HECW2: variants seen among roughly 807,000 people sequenced by gnomAD.
The protein encoded by HECW2 is E3 ubiquitin-protein ligase HECW2.
A neutral mutation model predicts 175.2 loss-of-function variants in HECW2; 61 were observed. That is an observed-to-expected ratio of 0.35 (90% CI 0.28 to 0.43). The LOEUF (loss-of-function observed/expected upper bound fraction) is 0.43. Ranked by LOEUF, HECW2 falls within the 20% of genes least tolerant of loss-of-function variation. The pLI is 1.00. For missense variants in HECW2, 1,524 were observed against 2,000.5 expected (o/e 0.76, Z 4.54); for synonymous variants, 671 against 731.0 (o/e 0.92, Z 1.32).
At position 196,416,706 on chromosome 2, in the gene HECW2, T is replaced by C. The variant is rs533125836; in HGVS notation, c.292+16426A>G. On this transcript the variant is annotated intron_variant, in intron 2 of 28. Transcript: ENST00000644978. ...GTGACCCAAGAGGGAACGTGAAATA[T>C]ACAATTCTTCCAAGTATCCCGCCAG... Among the ~76,000 whole-genome samples the C allele has an allele frequency of 2.0e-5, 3 of 152,352 alleles. No individual in the cohort carries two copies. In the East Asian group the frequency reaches 5.8e-4, roughly 29 times the overall value.
At chr2:196,227,321 G>A (rs1020071841) in intron 22 of HECW2, among the ~76,000 whole-genome samples, 4 of 151,990 alleles carry the variant, frequency 2.6e-5, no homozygotes, top group Non-Finnish European at 4.4e-5. Context: ...AGCAAACAGG[G>A]GTTATACAAA....
At chr2:196,203,803 T>C (rs1477174766) in intron 28 of HECW2, among the ~76,000 whole-genome samples, 1 of 152,222 alleles carries the variant, frequency 6.6e-6, no homozygotes, top group Admixed American at 6.5e-5. Flanking sequence ...CCATCATCAC[T>C]ATCCATCTCC....
Position 196,443,034 on chromosome 2 carries a change from T to A in HECW2, c.-35-9576A>T, listed in dbSNP as rs1575546985. Reference sequence around the variant, plus strand: ...ATAAAGGAAAATAATGAACCAAAGATGCTCTTGGGTAACAGTAGCCACCAG... The same window carrying A: ...ATAAAGGAAAATAATGAACCAAAGAAGCTCTTGGGTAACAGTAGCCACCAG... On this transcript the variant is annotated intron_variant, in intron 1 of 28. Transcript: ENST00000644978. Among the ~76,000 whole-genome samples the A allele has an allele frequency of 2.0e-5, 3 of 152,256 alleles. No individual in the cohort carries two copies. In the Middle Eastern group the frequency reaches 0.01, roughly 518 times the overall value.
At position 196,306,621 on chromosome 2, in the gene HECW2, G is replaced by C. The variant is rs1317317268; in HGVS notation, c.2690-9C>G. ...GTTCTCCCGTCGGAAATCTAGATGGGGCAGACCACAGAGGCGGTCAGGGAA... is the reference window on the plus strand; with the variant it reads ...GTTCTCCCGTCGGAAATCTAGATGGCGCAGACCACAGAGGCGGTCAGGGAA... On this transcript the variant is annotated splice_polypyrimidine_tract_variant and intron_variant, in intron 12 of 28. Transcript: ENST00000644978. The C allele has an allele frequency of 6.8e-6, 11 of 1,608,018 alleles. No homozygotes were observed. The highest frequency in any genetic ancestry group is 9.3e-6 in the Non-Finnish European group (11 of 1,177,396).
At position 196,317,142 on chromosome 2, in the gene HECW2, G is replaced by A. The variant is rs1184496392; in HGVS notation, c.2434+132C>T. On this transcript the variant is annotated intron_variant, in intron 10 of 28. Transcript: ENST00000644978. ...GCACGTCCCGGACTACACCTGCTATGTCAAGTGGCAACCCCCAGATTCCTT... is the reference window on the plus strand; with the variant it reads ...GCACGTCCCGGACTACACCTGCTATATCAAGTGGCAACCCCCAGATTCCTT... The A allele has an allele frequency of 7.3e-6, 5 of 685,812 alleles. No individual in the cohort carries two copies. In the African/African-American group the frequency reaches 8.9e-5, roughly 12 times the overall value. 42.5% of individuals were successfully genotyped at this position (685,812 alleles called of 1,614,324 possible).
chr2:196,278,530 C>T lies in HECW2; in HGVS notation c.3133G>A (p.Glu1045Lys). ...LTRQRSHSAG[E>K]VGEDSRHAGP... ...AGTCCCCAAAACGCATGACTCACCT[C>T]ACCCGCACTGTGGCTGCGTTGCCTT... The change falls in exon 15 of 29, where the codon GAG (glutamate) becomes AAG (lysine). Residue 1045 changes from glutamate (E) to lysine (K), a missense_variant and splice_region_variant. By Grantham distance (56) the Glu-to-Lys change is moderately conservative (BLOSUM62 1). This residue lies in a region of HECW2 where 291 missense variants were observed against 412.2 expected (regional missense o/e 0.71). Transcript: ENST00000644978. 6.2e-7 allele frequency: 1 copy of T among 1,614,040 alleles called. No individual in the cohort carries two copies. Among genetic ancestry groups the T allele is most frequent in the Non-Finnish European group, 8.5e-7 (1 of 1,179,964 alleles).
intron 1 of HECW2, among the ~76,000 whole-genome samples, chr2:196,537,878 C>T (rs1378407585): frequency 6.6e-6 from 1 of 152,142 alleles, no homozygotes; most frequent in African/African-American, 2.4e-5. Flanking sequence ...TAACAGAGCC[C>T]ATCTCCCCAT....
intron 1 of HECW2, among the ~76,000 whole-genome samples, chr2:196,544,912 C>A (rs1415875949): frequency 1.3e-5 from 2 of 152,208 alleles, no homozygotes; most frequent in African/African-American, 4.8e-5. Flanking sequence ...TCAGATTTTG[C>A]TTCTTAGCCA....
intron 2 of HECW2, among the ~76,000 whole-genome samples, chr2:196,399,752 GA>G (rs1559088213): frequency 6.5e-4 from 99 of 152,286 alleles, no homozygotes; most frequent in African/African-American, 2.2e-3. Context: ...CTGACAGATA[GA>G]ACCGTAGGCC....
chr2:196,258,013 T>C (rs1689133023), intron 17 of HECW2, 107 bp from the exon 18 acceptor site: 1 of 752,836 alleles, frequency 1.3e-6, no homozygotes, highest in Middle Eastern at 2.4e-4. Flanking sequence ...TTGGTACCTA[T>C]TATGTGGCAG....
chr2:196,287,388 A>AAGTTCACTT (rs1204367402), intron 14 of HECW2, among the ~76,000 whole-genome samples: 1 of 152,196 alleles, frequency 6.6e-6, no homozygotes, highest in Non-Finnish European at 1.5e-5. Flanking sequence ...GACATTTATG[A>AAGTTCACTT]TATGTCACTT....
At chr2:196,582,159 G>T (rs1358341345) in intron 1 of HECW2, among the ~76,000 whole-genome samples, 2 of 152,014 alleles carry the variant, frequency 1.3e-5, no homozygotes, top group African/African-American at 2.4e-5. Flanking sequence ...TCATTAGGAA[G>T]AATTTTGGTT....
rs747131474 is a variant in HECW2, at chr2:196,388,327, C to T, written c.293-44563G>A. Among the ~76,000 whole-genome samples, 3 of 152,266 alleles carry T rather than the reference C, an allele frequency of 2.0e-5. No homozygotes were observed. In the East Asian group the frequency reaches 5.8e-4, roughly 29 times the overall value. ...TTACAATTTTCTTATTATAATTGTACAAAACGTCATTTCTAGAGATTTTTG... is the reference window on the plus strand; with the variant it reads ...TTACAATTTTCTTATTATAATTGTATAAAACGTCATTTCTAGAGATTTTTG... On this transcript the variant is annotated intron_variant, in intron 2 of 28. Transcript: ENST00000644978.
chr2:196,416,170 T>G (rs1259284797), intron 2 of HECW2, among the ~76,000 whole-genome samples: 1 of 152,218 alleles, frequency 6.6e-6, no homozygotes, highest in Non-Finnish European at 1.5e-5. Context: ...AGTTACAGTT[T>G]AGAGAAAGAT....
intron 1 of HECW2, among the ~76,000 whole-genome samples, chr2:196,462,289 A>C (rs1011162474): frequency 1.3e-5 from 2 of 152,324 alleles, no homozygotes; most frequent in South Asian, 2.1e-4. Context: ...AAGGGGAAAA[A>C]TAGTAATTAA....
intron 2 of HECW2, among the ~76,000 whole-genome samples, chr2:196,387,461 T>C (rs1219562140): frequency 2.0e-5 from 3 of 152,144 alleles, no homozygotes; most frequent in Non-Finnish European, 2.9e-5. Context: ...CTGTGAGGAA[T>C]AGGTCCTCAC....
chr2:196,338,206 A>G (rs928203631), intron 3 of HECW2, among the ~76,000 whole-genome samples: 4 of 152,126 alleles, frequency 2.6e-5, no homozygotes, highest in African/African-American at 7.2e-5. Context: ...GTTCTCGAGT[A>G]AAGGGGTTTC....
intron 1 of HECW2, among the ~76,000 whole-genome samples, chr2:196,542,766 TATATAA>T (rs1033615379): frequency 2.7e-5 from 4 of 150,802 alleles, no homozygotes; most frequent in African/African-American, 4.9e-5. Flanking sequence ...TGTGCATATA[TATATAA>T]ATATATCTAG....
intron 1 of HECW2, among the ~76,000 whole-genome samples, chr2:196,467,437 C>T (rs180921927): frequency 1.3e-5 from 2 of 152,216 alleles, no homozygotes; most frequent in East Asian, 3.9e-4. Context: ...TCTGGGCTTT[C>T]TTGCAGATTC....
Sources: allele counts gnomAD v4.1 joint callset (sites outside exome capture counted in the v4.1 genomes callset), GRCh38; gene constraint gnomAD v4.1.1; regional missense constraint gnomAD v4.1.1; transcripts MANE v1.5; gene names NCBI Gene and HGNC (gene_info 2026-07-23, HGNC 2026-07-21).